Variants in KCNAB2 observed in about 807,000 individuals in gnomAD.
The protein encoded by KCNAB2 is potassium voltage-gated channel subfamily A regulatory beta subunit 2.
In KCNAB2, 29 loss-of-function variants were observed where a neutral mutation model predicts 63.6. The ratio of observed to expected loss-of-function variants is 0.46; its 90% CI spans 0.34 to 0.62. The LOEUF is 0.62. Among genes scored for constraint, KCNAB2 ranks in the 20% least tolerant of loss-of-function variants. KCNAB2 has a pLI of 0.01. For missense variants in KCNAB2, 359 were observed against 563.9 expected, an observed-to-expected ratio of 0.64 and a Z score of 3.68; for synonymous variants, 222 against 224.2, an observed-to-expected ratio of 0.99 and a Z score of 0.09.
chr1:6,003,575 C>G lies in KCNAB2; in HGVS notation c.-53+10787C>G, dbSNP rs943732321. 6.6e-6 allele frequency among the ~76,000 whole-genome samples: 1 copy of G among 152,190 alleles called. No individual in the cohort carries two copies. The highest frequency in any genetic ancestry group is 2.1e-4 in the South Asian group (1 of 4,830). On this transcript the variant is annotated intron_variant, in intron 1 of 16. Coordinates refer to the KCNAB2 transcript ENST00000341524. This position sits in a 1 kb window ranked among gnomAD's most constrained non-coding sequence, Gnocchi z 4.1. ...GAGATCCGGCAGCTCTTCACTCTTC[C>G]GAATCAGGCTGTGGGAAACGTTTGT...
chr1:6,008,336 C>T (rs1237954607), intron 1 of KCNAB2, among the ~76,000 whole-genome samples: 2 of 152,068 alleles, frequency 1.3e-5, no homozygotes, highest in Non-Finnish European at 2.9e-5. Flanking sequence ...AAGAATCACT[C>T]AGAGCCAGGC....
chr1:6,058,130 C>G (rs113049951), intron 2 of KCNAB2, among the ~76,000 whole-genome samples: 10,838 of 152,246 alleles, frequency 0.071, 1,193 homozygotes, highest in African/African-American at 0.24. Context: ...GCCTGGGTGA[C>G]AGAACAAGAC....
At chr1:6,076,321 C>T (rs984022929) in intron 4 of KCNAB2, among the ~76,000 whole-genome samples, 1 of 152,196 alleles carries the variant, frequency 6.6e-6, no homozygotes, top group Non-Finnish European at 1.5e-5. Flanking sequence ...AGCCAGTGCT[C>T]ACAGGAGCCC....
rs1656856543 is a variant in KCNAB2 at position 5,994,870 on chromosome 1, GT to G, written c.-53+2086del. Among the ~76,000 whole-genome samples, 1 of 152,224 alleles carries G rather than the reference GT, an allele frequency of 6.6e-6. No individual in the cohort carries two copies. The highest frequency in any genetic ancestry group is 2.4e-5 in the African/African-American group (1 of 41,452). ...TTCAGGAGGAAGCGAGTGCCACACA[GT>G]TTTGATTTGGCAGTTTCCGGCCTGG... On this transcript the variant is annotated intron_variant, in intron 1 of 16. Coordinates refer to the KCNAB2 transcript ENST00000341524. This position sits in a 1 kb window ranked among gnomAD's most constrained non-coding sequence, Gnocchi z 5.4.
rs1049775778 is a variant in KCNAB2, at chr1:6,071,629, G to C, written c.219-1126G>C. Among the ~76,000 whole-genome samples, 1 of 152,190 alleles carries C rather than the reference G, an allele frequency of 6.6e-6. No individual in the cohort carries two copies. Among genetic ancestry groups the C allele is most frequent in the Admixed American group, 6.5e-5 (1 of 15,284 alleles). Reference sequence around the variant, plus strand: ...GAATCGATGTCACGACAAGCAAGGCGCCTGCTGCGTAGGGCACCTGCCGCT... The same window carrying C: ...GAATCGATGTCACGACAAGCAAGGCCCCTGCTGCGTAGGGCACCTGCCGCT... On this transcript the variant is annotated intron_variant, in intron 2 of 15. Coordinates refer to ENST00000378083, the MANE Select transcript of KCNAB2 (RefSeq NM_001199862.2). This position sits in a 1 kb window ranked among gnomAD's most constrained non-coding sequence, Gnocchi z 8.5.
intron 1 of KCNAB2, among the ~76,000 whole-genome samples, chr1:6,051,047 G>A (rs922158480): frequency 2.0e-5 from 3 of 152,208 alleles, no homozygotes; most frequent in East Asian, 1.9e-4. Flanking sequence ...TGTGCCCTGC[G>A]CTGCTTTCCC....
chr1:5,999,909 CCT>C (rs1341817204), intron 1 of KCNAB2, among the ~76,000 whole-genome samples: 2 of 143,522 alleles, frequency 1.4e-5, no homozygotes, highest in Non-Finnish European at 3.0e-5. Flanking sequence ...TCGTCTGTGC[CCT>C]GTCTGTGCCC....
At chr1:6,065,307 G>A (rs1037244575) in intron 2 of KCNAB2, among the ~76,000 whole-genome samples, 5 of 152,236 alleles carry the variant, frequency 3.3e-5, no homozygotes, top group African/African-American at 1.2e-4. Context: ...AGCAGCCAGC[G>A]ATGGCCTCAG....
At chr1:6,039,063 C>G (rs1365238463) in intron 1 of KCNAB2, among the ~76,000 whole-genome samples, 1 of 152,206 alleles carries the variant, frequency 6.6e-6, no homozygotes, top group African/African-American at 2.4e-5. Flanking sequence ...GCACCACAGA[C>G]CCGTGTGCAG....
intron 11 of KCNAB2, 114 bp downstream of exon 11, chr1:6,094,599 G>A (rs1665466103): frequency 1.3e-6 from 1 of 792,954 alleles, no homozygotes; most frequent in South Asian, 1.6e-5. Context: ...CTGCACCGAT[G>A]CCTGGGTGCT....
intron 2 of KCNAB2, among the ~76,000 whole-genome samples, chr1:6,066,038 G>A (rs975741444): frequency 6.6e-6 from 1 of 152,270 alleles, no homozygotes; most frequent in Non-Finnish European, 1.5e-5. Context: ...AGGGGACGCA[G>A]CCAGGATCTG....
chr1:6,013,478 G>C (rs1658311447), intron 1 of KCNAB2, among the ~76,000 whole-genome samples: 1 of 152,114 alleles, frequency 6.6e-6, no homozygotes, highest in African/African-American at 2.4e-5. Context: ...GGCTGGGGAG[G>C]AGCCCTGTCA....
At position 6,085,288 on chromosome 1, in the gene KCNAB2, T is replaced by A. The variant is rs778747851; in HGVS notation, c.425+40T>A. The A allele has an allele frequency of 5.7e-5, 91 of 1,597,590 alleles. 2 individuals are homozygous for A. The East Asian group carries it at 1.5e-3, about 25-fold the overall frequency. ...CTCTGCGGCCTGTCCCTGGGGTGGG[T>A]GCGGGCGAACTATCCCAGGGTCAGC... On this transcript the variant is annotated intron_variant, in intron 6 of 15. Coordinates refer to ENST00000378083, the MANE Select transcript of KCNAB2 (RefSeq NM_001199862.2).
At position 6,087,559 on chromosome 1, in the gene KCNAB2, G is replaced by A. The variant is rs199814767; in HGVS notation, c.470+48G>A. Reference sequence around the variant, plus strand: ...CTTCCAGCCCCGGCCCAGCAGCCACGGCCCCGTGCTCCCCAGAGACCCCTG... The same window carrying A: ...CTTCCAGCCCCGGCCCAGCAGCCACAGCCCCGTGCTCCCCAGAGACCCCTG... On this transcript the variant is annotated intron_variant, in intron 7 of 15. Transcript: ENST00000378083. The surrounding 1 kb of genome is among the most constrained non-coding windows in gnomAD (Gnocchi z 6.4). The A allele has an allele frequency of 8.2e-4, 1,313 of 1,597,622 alleles. 16 individuals are homozygous for A. In the South Asian group the frequency reaches 0.01, roughly 13 times the overall value.
chr1:6,019,917 G>A (rs1250882474), intron 1 of KCNAB2, among the ~76,000 whole-genome samples: 1 of 152,230 alleles, frequency 6.6e-6, no homozygotes, highest in African/African-American at 2.4e-5. Flanking sequence ...TCTCCGGAGG[G>A]CGGAGCAGGC....
upstream of KCNAB2, among the ~76,000 whole-genome samples, chr1:6,030,161 C>G (rs1286343723): frequency 6.6e-6 from 1 of 152,218 alleles, no homozygotes; most frequent in African/African-American, 2.4e-5. Flanking sequence ...GGGTTAAGCG[C>G]TAAGATGAAT....
chr1:6,027,311 C>G (rs1043901417), intron 1 of KCNAB2: 1 of 153,368 alleles, frequency 6.5e-6, no homozygotes, highest in Non-Finnish European at 1.4e-5. Flanking sequence ...CCTGGGTGTG[C>G]GGCTATGGGG....
rs1031571993 is a variant in KCNAB2 at position 6,003,123 on chromosome 1, C to T, written c.-53+10335C>T. Among the ~76,000 whole-genome samples, 3 of 152,192 alleles carry T rather than the reference C, an allele frequency of 2.0e-5. No homozygotes were observed. The highest frequency in any genetic ancestry group is 6.5e-5 in the Admixed American group (1 of 15,286). ...CGGGGCGGGCGCTCGCCCTTGGCCTCGCTCCTGAGCCACAGTCACCAGGGT... is the reference window on the plus strand; with the variant it reads ...CGGGGCGGGCGCTCGCCCTTGGCCTTGCTCCTGAGCCACAGTCACCAGGGT... On this transcript the variant is annotated intron_variant, in intron 1 of 16. Coordinates refer to the KCNAB2 transcript ENST00000341524. This position sits in a 1 kb window ranked among gnomAD's most constrained non-coding sequence, Gnocchi z 4.1.
At chr1:6,072,385 G>A (rs1361582300) in intron 2 of KCNAB2, among the ~76,000 whole-genome samples, 1 of 152,240 alleles carries the variant, frequency 6.6e-6, no homozygotes, top group East Asian at 1.9e-4. Flanking sequence ...TAGAGAGGAA[G>A]GAAGAAGGGG....
Sources: gnomAD v4.1 joint callset for allele counts (sites outside exome capture counted in the v4.1 genomes callset) on GRCh38, gnomAD v4.1.1 for gene constraint, Gnocchi (gnomAD v3.1) non-coding constraint, MANE v1.5 for transcripts, NCBI Gene and HGNC (gene_info 2026-07-23, HGNC 2026-07-21) for gene names.